The following ABCA13 variants were observed in gnomAD, a reference collection of about 807,000 sequenced individuals.
ABCA13 encodes the protein ATP-binding cassette sub-family A member 13.
Under a neutral mutation model 478.7 loss-of-function variants are expected in ABCA13, and 476 were observed. The observed-to-expected ratio is 0.99, with a 90% CI of 0.92 to 1.07. ABCA13 has a LOEUF of 1.07. ABCA13 is among the 50% of genes least tolerant of loss of function. The pLI is 0.00. For synonymous variants in ABCA13, 2,252 were observed against 2,158.9 expected, an observed-to-expected ratio of 1.04 and a Z score of -1.20; for missense variants, 6,060 against 5,910.6, an observed-to-expected ratio of 1.03 and a Z score of -0.83.
chr7:48,552,543 A>G (rs1188077979), intron 55 of ABCA13, among the ~76,000 whole-genome samples: 1 of 148,818 alleles, frequency 6.7e-6, no homozygotes, highest in Non-Finnish European at 1.5e-5. Context: ...GCAAGGTTTT[A>G]CTTTGTACTT....
At chr7:48,201,296 ATGT>A (rs1798671232) in intron 3 of ABCA13, among the ~76,000 whole-genome samples, 1 of 152,166 alleles carries the variant, frequency 6.6e-6, no homozygotes, top group South Asian at 2.1e-4. Flanking sequence ...AGGAGCCAAG[ATGT>A]TTGATTATAC....
At chr7:48,414,826 G>A (rs1819755965) in intron 41 of ABCA13, among the ~76,000 whole-genome samples, 2 of 152,044 alleles carry the variant, frequency 1.3e-5, no homozygotes, top group Admixed American at 6.5e-5. Flanking sequence ...TTCCCAAGGA[G>A]TAACAATCAT....
Position 48,171,516 on chromosome 7 carries a change from G to A in ABCA13, c.33G>A (p.Leu11=). Residue 11 remains leucine (L), a synonymous_variant, in exon 1 of 62, where the codon CTG becomes CTA. Transcript: ENST00000435803. ...ATGCCGGGTGCCAGTTCAAAGCCCT[G>A]CTGTGGAAGAATTGGCTCTGCAGAC... MGHAGCQFKA[L]LWKNWLCRLR... 6.5e-7 allele frequency: 1 copy of A among 1,536,372 alleles called. No homozygotes were observed. The highest frequency in any genetic ancestry group is 8.7e-7 in the Non-Finnish European group (1 of 1,146,906).
Position 48,274,551 on chromosome 7 carries a change from G to A in ABCA13, c.4885G>A (p.Gly1629Ser). Reference sequence around the variant, plus strand: ...TTCACCTGAAATAATGAAAGCTACAGGTCTTGGTATTCAACTGATAAGGGA... The same window carrying A: ...TTCACCTGAAATAATGAAAGCTACAAGTCTTGGTATTCAACTGATAAGGGA... ...IISPEIMKATGLGIQLIRDVF... is the reference protein window; with the variant it reads ...IISPEIMKATSLGIQLIRDVF... Residue 1629 changes from glycine to serine, a missense_variant, in exon 17 of 62, where the codon GGT (glycine) becomes AGT (serine). Gly to Ser is a moderately conservative substitution (Grantham distance 56). Coordinates refer to ENST00000435803, the MANE Select transcript of ABCA13 (RefSeq NM_152701.5). 1.2e-6 allele frequency: 2 copies of A among 1,613,824 alleles called. No individual in the cohort carries two copies. The highest frequency in any genetic ancestry group is 1.7e-6 in the Non-Finnish European group (2 of 1,179,834).
chr7:48,283,142 G>C (rs894015995), intron 19 of ABCA13, among the ~76,000 whole-genome samples: 1 of 152,058 alleles, frequency 6.6e-6, no homozygotes, highest in African/African-American at 2.4e-5. Context: ...TACCCAGGAA[G>C]GGGCACAGTG....
intron 55 of ABCA13, among the ~76,000 whole-genome samples, chr7:48,530,001 T>C (rs1161435803): frequency 6.6e-6 from 1 of 152,130 alleles, no homozygotes; most frequent in Admixed American, 6.6e-5. Context: ...TTCTGAGATT[T>C]TGGTGCACCT....
At chr7:48,415,636 C>T (rs56372930) in intron 41 of ABCA13, among the ~76,000 whole-genome samples, 25,740 of 151,920 alleles carry the variant, frequency 0.17, 2,497 homozygotes, top group East Asian at 0.25. Flanking sequence ...TTGTTGTTAA[C>T]AAAAGAGAAA....
intron 38 of ABCA13, among the ~76,000 whole-genome samples, chr7:48,402,822 G>T (rs1817783109): frequency 6.6e-6 from 1 of 152,186 alleles, no homozygotes; most frequent in Non-Finnish European, 1.5e-5. Flanking sequence ...TTCAGCTGCT[G>T]GCTATCAGGA....
At chr7:48,309,843 A>T in intron 23 of ABCA13, 104 bp from the exon 24 acceptor site, 1 of 1,337,856 alleles carries the variant, frequency 7.5e-7, no homozygotes, top group Non-Finnish European at 1.0e-6. Flanking sequence ...GGAGTTGGGA[A>T]ATCCACTCTT....
At position 48,269,518 on chromosome 7, in the gene ABCA13, T is replaced by G. The variant is rs574548801; in HGVS notation, c.2120+424T>G. ...TTGGAACTAAATTTGTCGGACTATT[T>G]TCTGCTGTCCTATTTCAGCACGTGT... On this transcript the variant is annotated intron_variant, in intron 16 of 61. Transcript: ENST00000435803. Among the ~76,000 whole-genome samples, 15 of 152,352 alleles carry G rather than the reference T, an allele frequency of 9.8e-5. No individual in the cohort carries two copies. The East Asian group carries it at 2.9e-3, about 29-fold the overall frequency.
chr7:48,276,845 G>A (rs1796370827), intron 17 of ABCA13, among the ~76,000 whole-genome samples: 1 of 152,004 alleles, frequency 6.6e-6, no homozygotes, highest in Non-Finnish European at 1.5e-5. Flanking sequence ...TATTTTATAT[G>A]GATCTGAAAA....
intron 27 of ABCA13, among the ~76,000 whole-genome samples, chr7:48,324,899 A>G (rs1804084243): frequency 6.6e-6 from 1 of 152,202 alleles, no homozygotes; most frequent in African/African-American, 2.4e-5. Context: ...AGCTGCATTT[A>G]TGTATGAAGA....
intron 40 of ABCA13, among the ~76,000 whole-genome samples, chr7:48,411,988 C>T (rs1819321214): frequency 6.6e-6 from 1 of 152,110 alleles, no homozygotes; most frequent in African/African-American, 2.4e-5. Flanking sequence ...ACTCCTTCAA[C>T]CCAGTTTTCT....
intron 42 of ABCA13, among the ~76,000 whole-genome samples, chr7:48,448,923 A>C (rs1326139205): frequency 1.3e-5 from 2 of 152,064 alleles, no homozygotes; most frequent in African/African-American, 4.8e-5. Flanking sequence ...GCTCACGGTA[A>C]CCTCTACCTC....
chr7:48,498,869 G>A (rs1440358943), intron 48 of ABCA13, among the ~76,000 whole-genome samples: 1 of 152,202 alleles, frequency 6.6e-6, no homozygotes, highest in Admixed American at 6.5e-5. Context: ...CGGTTGTAGT[G>A]AAGGACATAG....
chr7:48,594,689 TC>T lies in ABCA13; in HGVS notation c.14641-20del, dbSNP rs757367877. 1 of 1,603,406 alleles carries T rather than the reference TC, an allele frequency of 6.2e-7. No homozygotes were observed. The highest frequency in any genetic ancestry group is 2.2e-5 in the East Asian group (1 of 44,808). On this transcript the variant is annotated intron_variant, in intron 57 of 61. Coordinates refer to ENST00000435803, the MANE Select transcript of ABCA13 (RefSeq NM_152701.5). Reference sequence around the variant, plus strand: ...TTTGTGTTTTTCAAATGCTGATTACTCTGTGTTGCCTTTCCTTCAGGATGAG... The same window carrying T: ...TTTGTGTTTTTCAAATGCTGATTACTTGTGTTGCCTTTCCTTCAGGATGAG...
chr7:48,522,315 C>T (rs541620225), intron 53 of ABCA13, among the ~76,000 whole-genome samples: 8 of 152,252 alleles, frequency 5.3e-5, no homozygotes, highest in African/African-American at 9.6e-5. Context: ...CCCTAACCTG[C>T]GCTGACTCCT....
At chr7:48,644,520 G>T (rs1041768197) in intron 60 of ABCA13, 97 bp from the exon 61 acceptor site, 3 of 1,304,112 alleles carry the variant, frequency 2.3e-6, no homozygotes, top group Non-Finnish European at 3.1e-6. Flanking sequence ...TTGAGAAAAC[G>T]TAACTGAATT....
intron 15 of ABCA13, among the ~76,000 whole-genome samples, chr7:48,259,756 T>G (rs1027009093): frequency 4.6e-5 from 7 of 151,994 alleles, no homozygotes; most frequent in African/African-American, 1.2e-4. Context: ...TGTCTTTCAT[T>G]TCCATATTTA....
Sources: allele counts gnomAD v4.1 joint callset (sites outside exome capture counted in the v4.1 genomes callset), GRCh38; gene constraint gnomAD v4.1.1; transcripts MANE v1.5; gene names NCBI Gene and HGNC (gene_info 2026-07-23, HGNC 2026-07-21).